The following ZAP70 variants were observed in gnomAD, a reference collection of about 807,000 sequenced individuals.
ZAP70 encodes tyrosine-protein kinase ZAP-70.
A neutral mutation model predicts 65.8 loss-of-function variants in ZAP70; 27 were observed. The ratio of observed to expected loss-of-function variants is 0.41; its 90% CI spans 0.30 to 0.57. ZAP70 has a LOEUF of 0.57. ZAP70 is among the 20% of genes least tolerant of loss of function. ZAP70 has a pLI of 0.28. For synonymous variants in ZAP70, 363 were observed against 360.8 expected (o/e 1.01, Z -0.07); for missense variants, 696 against 870.5 (o/e 0.80, Z 2.52).
intron 2 of ZAP70, among the ~76,000 whole-genome samples, chr2:97,716,122 G>A (rs753091103): frequency 4.6e-5 from 7 of 152,160 alleles, no homozygotes; most frequent in African/African-American, 1.4e-4. Flanking sequence ...GCCTGAAGCC[G>A]GAGGCCCAGT....
In ZAP70 at chr2:97,725,195, C is replaced by A; in HGVS notation, c.506C>A (p.Thr169Lys). ...ATGCCCTGGTACCACAGCAGCCTGA[C>A]GCGTGAGGAGGCCGAGCGCAAACTT... The part of the protein sequence containing the change: ...ERMPWYHSSL[T>K]REEAERKLYS... Residue 169 changes from threonine to lysine, a missense_variant, in exon 4 of 14, where the codon ACG (threonine) becomes AAG (lysine). Physicochemically the swap from Thr to Lys is moderately conservative, Grantham distance 78 (BLOSUM62 -1). Transcript: ENST00000264972. 3.1e-6 allele frequency: 5 copies of A among 1,614,192 alleles called. No individual in the cohort carries two copies. Among genetic ancestry groups the A allele is most frequent in the Non-Finnish European group, 4.2e-6 (5 of 1,180,034 alleles).
chr2:97,744,179 C>T (rs1387558212), downstream of ZAP70, among the ~76,000 whole-genome samples: 2 of 152,226 alleles, frequency 1.3e-5, no homozygotes, highest in South Asian at 2.1e-4. Flanking sequence ...CCACTCCCCG[C>T]TCCTCGGCAG....
In ZAP70 at chr2:97,739,668, C is replaced by A; in HGVS notation, c.*170C>A. 2 of 1,099,942 alleles carry A rather than the reference C, an allele frequency of 1.8e-6. No homozygotes were observed. Among genetic ancestry groups the A allele is most frequent in the Non-Finnish European group, 2.6e-6 (2 of 779,592 alleles). 68.1% of individuals were successfully genotyped at this position (1,099,942 alleles called of 1,614,324 possible). On this transcript the variant is annotated 3_prime_UTR_variant, in exon 14 of 14. Coordinates refer to ENST00000264972, the MANE Select transcript of ZAP70 (RefSeq NM_001079.4). ...TTGCATTGCCTGCCTGGCCCCCTGT[C>A]CTCTCTGGCTGGGGAGCAGGGAGGT... is the stretch of plus-strand genomic sequence containing the variant.
rs1678075082 is a variant in ZAP70 at position 97,739,799 on chromosome 2, G to A, written c.*301G>A. 2.2e-6 allele frequency: 1 copy of A among 454,254 alleles called. No homozygotes were observed. 28.1% of individuals were successfully genotyped at this position (454,254 alleles called of 1,614,324 possible). On this transcript the variant is annotated 3_prime_UTR_variant, in exon 14 of 14. Coordinates refer to ENST00000264972, the MANE Select transcript of ZAP70 (RefSeq NM_001079.4). ...TGCCTTCCCCTGGGCCCTGACATTG[G>A]AGCCTGGGCATCCTCAGGTGGTCAG...
intron 4 of ZAP70, among the ~76,000 whole-genome samples, chr2:97,729,662 T>G (rs116099507): frequency 8.5e-5 from 13 of 152,150 alleles, no homozygotes; most frequent in Non-Finnish European, 1.9e-4. Context: ...TTTTTTAGCC[T>G]GTACTTCTGG....
Position 97,724,371 on chromosome 2 carries a change from C to A in ZAP70, c.335C>A (p.Pro112Gln). 1.3e-6 allele frequency: 2 copies of A among 1,543,684 alleles called. No individual in the cohort carries two copies. Among genetic ancestry groups the A allele is most frequent in the Admixed American group, 3.7e-5 (2 of 54,380 alleles). Residue 112 changes from proline to glutamine, a missense_variant, in exon 3 of 14, where the codon CCG (proline) becomes CAG (glutamine). Around this residue, in one of 3 missense-constraint regions of ZAP70, gnomAD observed 551 missense variants for 630.0 expected, o/e 0.87. Coordinates refer to ENST00000264972, the MANE Select transcript of ZAP70 (RefSeq NM_001079.4). ...CNRPSGLEPQPGVFDCLRDAM... is the reference protein window; with the variant it reads ...CNRPSGLEPQQGVFDCLRDAM... The stretch of plus-strand genomic sequence containing the variant: ...CGGCCGTCGGGCCTCGAGCCGCAGC[C>A]GGGGGTCTTCGACTGCCTGCGAGAC...
chr2:97,751,737 G>A, the ZAP70 span, among the ~76,000 whole-genome samples: 18 of 152,210 alleles, frequency 1.2e-4, no homozygotes, highest in Non-Finnish European at 2.2e-4. Flanking sequence ...CTTCTGCTGA[G>A]GGCCTTGGGC....
chr2:97,734,838 G>T, intron 9 of ZAP70, 126 bp downstream of exon 9: 1 of 1,335,504 alleles, frequency 7.5e-7, no homozygotes. Context: ...CAGACTCTGG[G>T]GCAGGACGTT....
At position 97,715,423 on chromosome 2, in the gene ZAP70, ATC is replaced by A. The variant is rs1302904917; in HGVS notation, c.-22+1432_-22+1433del. Among the ~76,000 whole-genome samples the A allele has an allele frequency of 6.6e-6, 1 of 151,876 alleles. No individual in the cohort carries two copies. Among genetic ancestry groups the A allele is most frequent in the Non-Finnish European group, 1.5e-5 (1 of 67,964 alleles). On this transcript the variant is annotated intron_variant, in intron 2 of 13. Coordinates refer to ENST00000264972, the MANE Select transcript of ZAP70 (RefSeq NM_001079.4). This position sits in a 1 kb window ranked among gnomAD's most constrained non-coding sequence, Gnocchi z 4.1. ...CTCCTGACTCACACCGCCTTTTCCC[ATC>A]TCCCTTTTACAGTCACAGAGCCTGA...
intron 7 of ZAP70, 86 bp downstream of exon 7, chr2:97,733,429 T>G: frequency 1.3e-6 from 2 of 1,597,272 alleles, no homozygotes; most frequent in Non-Finnish European, 1.7e-6. Flanking sequence ...CTGGGGTGCC[T>G]GTGGAGCGGA....
chr2:97,733,734 A>ACACATGTGCC (rs1677721091), intron 8 of ZAP70, 139 bp downstream of exon 8: 1 of 1,007,702 alleles, frequency 9.9e-7, no homozygotes, highest in Non-Finnish European at 1.6e-6. Context: ...ACACCTGTGC[A>ACACATGTGCC]CACATGTGCC....
intron 3 of ZAP70, 129 bp from the exon 4 acceptor site, chr2:97,724,963 A>G: frequency 6.5e-7 from 1 of 1,539,088 alleles, no homozygotes; most frequent in East Asian, 2.4e-5. Flanking sequence ...AGTCCTCGAA[A>G]ACCTGCCTAA....
chr2:97,747,944 C>T, the ZAP70 span, among the ~76,000 whole-genome samples: 22,514 of 147,344 alleles, frequency 0.15, 2,296 homozygotes, highest in Middle Eastern at 0.28. Flanking sequence ...CTAATGCAGA[C>T]ACTTCCCAGG....
rs1559315847 is a variant in ZAP70 at position 97,717,411 on chromosome 2, T to TGGCTGGGGAGACATGCG, written c.-22+3418_-22+3419insGCTGGGGAGACATGCGG. ...TGGCTGGGGGGACATGCGGAGCCTC[T>TGGCTGGGGAGACATGCG]GAGCCTCTGGCTGGGGTGACATGTG... On this transcript the variant is annotated intron_variant, in intron 2 of 13. Transcript: ENST00000264972. Among the ~76,000 whole-genome samples, 3 of 135,436 alleles carry TGGCTGGGGAGACATGCG rather than the reference T, an allele frequency of 2.2e-5. No individual in the cohort carries two copies. In the South Asian group the frequency reaches 7.3e-4, roughly 33 times the overall value. The allele number at this position is 135,436 out of a possible 152,430, so 88.9% of individuals were successfully genotyped here.
chr2:97,722,212 C>T (rs1677190836), intron 2 of ZAP70, among the ~76,000 whole-genome samples: 1 of 152,182 alleles, frequency 6.6e-6, no homozygotes, highest in Admixed American at 6.5e-5. Context: ...TCCCAAGTAG[C>T]TGGGATTACA....
chr2:97,720,379 C>G (rs1677112083), intron 2 of ZAP70, among the ~76,000 whole-genome samples: 1 of 152,164 alleles, frequency 6.6e-6, no homozygotes, highest in Non-Finnish European at 1.5e-5. Context: ...AGGCGCCCAC[C>G]ACCACGCCCG....
chr2:97,734,958 T>C (rs1336007991), intron 9 of ZAP70: 8 of 663,100 alleles, frequency 1.2e-5, no homozygotes, highest in Non-Finnish European at 2.0e-5. Context: ...GGAGCTGCAG[T>C]GGGGTCCCCG....
At chr2:97,716,771 C>T (rs1011712572) in intron 2 of ZAP70, among the ~76,000 whole-genome samples, 1 of 152,086 alleles carries the variant, frequency 6.6e-6, no homozygotes, top group African/African-American at 2.4e-5. Flanking sequence ...TGAGGACTTG[C>T]ATTTTCACCC....
In ZAP70 at chr2:97,735,377, G is replaced by A. The variant is rs1677827255; in HGVS notation, c.1210G>A (p.Val404Ile). ...DNPYIVRLIG[V>I]CQAEALMLVM... ...CCCCTACATCGTGCGGCTCATTGGC[G>A]TCTGCCAGGCCGAGGCCCTCATGCT... The change falls in exon 10 of 14, where the codon GTC becomes ATC. Residue 404 changes from valine to isoleucine, a missense_variant. Physicochemically the swap from Val to Ile is conservative, Grantham distance 29. Coordinates refer to ENST00000264972, the MANE Select transcript of ZAP70 (RefSeq NM_001079.4). The A allele has an allele frequency of 3.1e-6, 5 of 1,614,108 alleles. No individual in the cohort carries two copies. The highest frequency in any genetic ancestry group is 4.2e-6 in the Non-Finnish European group (5 of 1,179,972).
Sources: gnomAD v4.1 joint callset for allele counts (sites outside exome capture counted in the v4.1 genomes callset) on GRCh38, gnomAD v4.1.1 for gene constraint, gnomAD v4.1.1 regional missense constraint, Gnocchi (gnomAD v3.1) non-coding constraint, MANE v1.5 for transcripts, NCBI Gene and HGNC (gene_info 2026-07-23, HGNC 2026-07-21) for gene names.